EPHA6: variants seen among roughly 807,000 people sequenced by gnomAD.
EPHA6 encodes EPH receptor A6, also known as ephrin type-A receptor 6.
A neutral mutation model predicts 112.0 loss-of-function variants in EPHA6; 50 were observed. The observed-to-expected ratio is 0.45, with a 90% CI of 0.36 to 0.56. The LOEUF is 0.56. Among genes scored for constraint, EPHA6 ranks in the 20% least tolerant of loss-of-function variants. EPHA6 has a pLI of 0.00. For missense variants in EPHA6, 1,280 were observed against 1,417.4 expected, an observed-to-expected ratio of 0.90 and a Z score of 1.56; for synonymous variants, 529 against 490.7, an observed-to-expected ratio of 1.08 and a Z score of -1.03.
At chr3:97,583,538 CAA>C (rs561602490) in intron 11 of EPHA6, among the ~76,000 whole-genome samples, 17 of 97,334 alleles carry the variant, frequency 1.7e-4, no homozygotes, top group Admixed American at 2.2e-4. Flanking sequence ...GACTCTGTCT[CAA>C]AAAAAAAAAA....
intron 3 of EPHA6, among the ~76,000 whole-genome samples, chr3:97,184,465 T>C (rs1359483877): frequency 6.6e-6 from 1 of 152,140 alleles, no homozygotes; most frequent in Non-Finnish European, 1.5e-5. Context: ...CCATTCACAA[T>C]TGCTTCACAG....
At chr3:97,669,233 G>A (rs1416572270) in intron 14 of EPHA6, among the ~76,000 whole-genome samples, 3 of 151,168 alleles carry the variant, frequency 2.0e-5, no homozygotes, top group East Asian at 3.9e-4. Context: ...TTATTCTATT[G>A]TTGACCTCCT....
chr3:96,994,040 G>T (rs2043313747), intron 3 of EPHA6, among the ~76,000 whole-genome samples: 1 of 152,094 alleles, frequency 6.6e-6, no homozygotes, highest in South Asian at 2.1e-4. Flanking sequence ...TCGTACTACT[G>T]AATGTTTGAA....
intron 2 of EPHA6, among the ~76,000 whole-genome samples, chr3:96,955,160 T>G (rs572783298): frequency 3.9e-5 from 6 of 152,252 alleles, no homozygotes; most frequent in Non-Finnish European, 8.8e-5. Flanking sequence ...TTGTGATGTA[T>G]TTATGTAGAA....
intron 10 of EPHA6, among the ~76,000 whole-genome samples, chr3:97,492,562 A>C (rs1301786598): frequency 3.6e-5 from 3 of 82,502 alleles, no homozygotes; most frequent in African/African-American, 1.7e-4. Context: ...AAAAAAAAAA[A>C]AAAAAAAAAA....
chr3:97,238,761 GA>G (rs1374186784), intron 4 of EPHA6, among the ~76,000 whole-genome samples: 1 of 151,812 alleles, frequency 6.6e-6, no homozygotes, highest in Non-Finnish European at 1.5e-5. Flanking sequence ...TATGAAGGGT[GA>G]GTAGGAATTT....
rs183593386 is a variant in EPHA6, at chr3:97,597,052, G to A, written c.2512+4315G>A. Among the ~76,000 whole-genome samples the A allele has an allele frequency of 1.2e-3, 186 of 151,526 alleles. 1 individual carries two copies. The highest frequency in any genetic ancestry group is 3.6e-3 in the African/African-American group (148 of 41,280). ...CAAGTTTAAGATATCAATTATAAGA[G>A]AAGTCTATGAAAGAGAGAACTAGGA... On this transcript the variant is annotated intron_variant, in intron 12 of 17. Transcript: ENST00000389672.
At chr3:96,860,153 G>T (rs1392939534) in intron 1 of EPHA6, among the ~76,000 whole-genome samples, 2 of 152,034 alleles carry the variant, frequency 1.3e-5, no homozygotes, top group Non-Finnish European at 2.9e-5. Context: ...GTAAAATCAG[G>T]TAACATTTCT....
chr3:97,051,642 G>C (rs1488151311), intron 3 of EPHA6, among the ~76,000 whole-genome samples: 1 of 152,088 alleles, frequency 6.6e-6, no homozygotes, highest in Non-Finnish European at 1.5e-5. Flanking sequence ...TGTTAGATAT[G>C]TACCCCCAAA....
At chr3:97,408,282 C>T (rs2087491133) in intron 6 of EPHA6, among the ~76,000 whole-genome samples, 1 of 152,062 alleles carries the variant, frequency 6.6e-6, no homozygotes, top group Non-Finnish European at 1.5e-5. Context: ...CACGGTGGCT[C>T]ATGCCTGTAA....
chr3:97,575,172 A>G (rs1006999947), intron 11 of EPHA6, among the ~76,000 whole-genome samples: 1 of 152,178 alleles, frequency 6.6e-6, no homozygotes, highest in Non-Finnish European at 1.5e-5. Context: ...AAATTGATAT[A>G]GACTTGTGGT....
At chr3:96,914,439 A>G (rs1282027250) in intron 2 of EPHA6, among the ~76,000 whole-genome samples, 2 of 152,180 alleles carry the variant, frequency 1.3e-5, no homozygotes, top group African/African-American at 4.8e-5. Context: ...CCACAAATGT[A>G]CTTATAAAAG....
intron 10 of EPHA6, among the ~76,000 whole-genome samples, chr3:97,495,499 A>G (rs2091953209): frequency 1.3e-5 from 2 of 151,968 alleles, no homozygotes. Flanking sequence ...TGTACTTTAC[A>G]TCTCTATACA....
rs2035922742 is a variant in EPHA6 at position 97,752,338 on chromosome 3, G to A, written c.*3637G>A. 4 of 224,414 alleles carry A rather than the reference G, an allele frequency of 1.8e-5. No individual in the cohort carries two copies. The highest frequency in any genetic ancestry group is 5.7e-5 in the Admixed American group (1 of 17,514). The allele number at this position is 224,414 out of a possible 1,614,324, so 13.9% of individuals were successfully genotyped here. The stretch of plus-strand genomic sequence containing the variant: ...ACCCAACCACATTTCTTAAAAATGT[G>A]TTTTGGTGTCTTTTCCTACCAAATT... On this transcript the variant is annotated 3_prime_UTR_variant, in exon 18 of 18. Transcript: ENST00000389672.
At chr3:97,404,821 AGTGTATT>A (rs2087231426) in intron 5 of EPHA6, among the ~76,000 whole-genome samples, 2 of 152,146 alleles carry the variant, frequency 1.3e-5, no homozygotes, top group Non-Finnish European at 2.9e-5. Context: ...ATACGAGCCA[AGTGTATT>A]GTATTTCATG....
At chr3:97,472,555 A>C (rs2091257909) in intron 7 of EPHA6, among the ~76,000 whole-genome samples, 1 of 151,742 alleles carries the variant, frequency 6.6e-6, no homozygotes, top group Admixed American at 6.6e-5. Flanking sequence ...GTTTATCCTG[A>C]GATGAAGTCA....
chr3:97,307,981 C>A (rs1472360832), intron 5 of EPHA6, among the ~76,000 whole-genome samples: 12 of 150,712 alleles, frequency 8.0e-5, no homozygotes, highest in Non-Finnish European at 1.3e-4. Flanking sequence ...TCCCATCAAC[C>A]TTTTTTTTTG....
At chr3:96,981,970 G>C (rs530730479) in intron 2 of EPHA6, among the ~76,000 whole-genome samples, 1 of 151,764 alleles carries the variant, frequency 6.6e-6, no homozygotes, top group Non-Finnish European at 1.5e-5. Flanking sequence ...TCCTGCTAGC[G>C]GTCTATCAAT....
intron 3 of EPHA6, among the ~76,000 whole-genome samples, chr3:97,214,637 T>C (rs2077982671): frequency 6.6e-6 from 1 of 152,110 alleles, no homozygotes; most frequent in Admixed American, 6.6e-5. Flanking sequence ...TCACATAAAG[T>C]TTCTCAAATT....
Sources: gnomAD v4.1 joint callset for allele counts (sites outside exome capture counted in the v4.1 genomes callset) on GRCh38, gnomAD v4.1.1 for gene constraint, MANE v1.5 for transcripts, NCBI Gene and HGNC (gene_info 2026-07-23, HGNC 2026-07-21) for gene names.